KCNT2: variants seen among roughly 807,000 people sequenced by gnomAD.
KCNT2 encodes potassium sodium-activated channel subfamily T member 2.
Under a neutral mutation model 153.8 loss-of-function variants are expected in KCNT2, and 67 were observed. That is an observed-to-expected ratio of 0.44 (90% CI 0.36 to 0.53). KCNT2 has a LOEUF of 0.53. KCNT2 is among the 20% of genes least tolerant of loss of function. The pLI is 0.00. For synonymous variants in KCNT2, 500 were observed against 458.8 expected (o/e 1.09, Z -1.15); for missense variants, 975 against 1,354.8 (o/e 0.72, Z 4.40).
At chr1:196,507,582 A>T (rs550483157) in intron 1 of KCNT2, among the ~76,000 whole-genome samples, 60 of 152,180 alleles carry the variant, frequency 3.9e-4, no homozygotes, top group Admixed American at 2.6e-3. Context: ...CATTGCCTAG[A>T]ATTACTTAGC....
intron 1 of KCNT2, among the ~76,000 whole-genome samples, chr1:196,583,751 A>T (rs560194257): frequency 1.3e-5 from 2 of 152,210 alleles, no homozygotes; most frequent in South Asian, 4.1e-4. Flanking sequence ...CATGAAAAAG[A>T]TCATCAGAAA....
intron 26 of KCNT2, among the ~76,000 whole-genome samples, chr1:196,243,798 G>C (rs1026121523): frequency 2.6e-5 from 4 of 152,222 alleles, no homozygotes; most frequent in East Asian, 3.9e-4. Flanking sequence ...GGAAGTCCTG[G>C]AGCTGTGTTG....
chr1:196,280,779 T>C, intron 25 of KCNT2, 81 bp downstream of exon 25: 6 of 1,302,034 alleles, frequency 4.6e-6, no homozygotes, highest in Non-Finnish European at 6.5e-6. Flanking sequence ...TTGCATTTTT[T>C]ATAAATCAGT....
At chr1:196,565,594 T>C (rs1572847450) in intron 1 of KCNT2, among the ~76,000 whole-genome samples, 1 of 109,882 alleles carries the variant, frequency 9.1e-6, no homozygotes, top group South Asian at 2.4e-4. Context: ...TCATTATACA[T>C]ATATATATAT....
At chr1:196,591,650 A>G (rs1663378153) in intron 1 of KCNT2, among the ~76,000 whole-genome samples, 1 of 152,154 alleles carries the variant, frequency 6.6e-6, no homozygotes, top group Non-Finnish European at 1.5e-5. Flanking sequence ...CTTATATAAT[A>G]GTTAATTTGT....
chr1:196,479,363 T>C, intron 4 of KCNT2, 125 bp from the exon 5 acceptor site: 1 of 589,952 alleles, frequency 1.7e-6, no homozygotes, highest in South Asian at 2.2e-5. Context: ...ATAATAGGAC[T>C]TATTAGGCGG....
chr1:196,410,141 G>A (rs1572352566), intron 12 of KCNT2, among the ~76,000 whole-genome samples: 1 of 151,004 alleles, frequency 6.6e-6, no homozygotes, highest in African/African-American at 2.4e-5. Flanking sequence ...TTTTTAATCA[G>A]CTTATTTCCT....
chr1:196,517,865 A>G (rs1652810862), intron 1 of KCNT2, among the ~76,000 whole-genome samples: 1 of 152,230 alleles, frequency 6.6e-6, no homozygotes, highest in Non-Finnish European at 1.5e-5. Flanking sequence ...GTCCATGAAA[A>G]GTTTCCTACC....
chr1:196,355,983 C>G (rs1667143277), intron 14 of KCNT2, among the ~76,000 whole-genome samples: 1 of 151,744 alleles, frequency 6.6e-6, no homozygotes. Context: ...ATTGCTATAT[C>G]TGTACCTTTA....
intron 8 of KCNT2, among the ~76,000 whole-genome samples, chr1:196,441,915 A>G (rs1473358102): frequency 6.6e-6 from 1 of 151,838 alleles, no homozygotes; most frequent in African/African-American, 2.4e-5. Context: ...CCCACTGTGA[A>G]TTGTGAAGGA....
At chr1:196,477,846 T>A (rs1444437501) in intron 5 of KCNT2, among the ~76,000 whole-genome samples, 1 of 152,202 alleles carries the variant, frequency 6.6e-6, no homozygotes, top group Non-Finnish European at 1.5e-5. Context: ...GATTAACCCA[T>A]GCATGATAGA....
intron 14 of KCNT2, among the ~76,000 whole-genome samples, chr1:196,343,292 G>A (rs1665840800): frequency 1.3e-5 from 2 of 152,100 alleles, no homozygotes; most frequent in Admixed American, 6.6e-5. Context: ...TAACTCAGTG[G>A]CTTTAGAAAT....
intron 1 of KCNT2, among the ~76,000 whole-genome samples, chr1:196,517,097 C>T (rs1033568287): frequency 6.6e-6 from 1 of 152,178 alleles, no homozygotes; most frequent in Non-Finnish European, 1.5e-5. Context: ...TCTCCACACT[C>T]TGGGGAGTCC....
chr1:196,250,204 A>G (rs2335385), intron 26 of KCNT2, among the ~76,000 whole-genome samples: 65,181 of 151,964 alleles, frequency 0.43, 17,032 homozygotes, highest in East Asian at 0.7. Context: ...TATACTACGG[A>G]GCTAAAGTAA....
intron 13 of KCNT2, among the ~76,000 whole-genome samples, chr1:196,395,879 T>C (rs947714032): frequency 1.3e-5 from 2 of 151,698 alleles, no homozygotes; most frequent in African/African-American, 4.8e-5. Flanking sequence ...TTTCATATCT[T>C]GTGAATATTG....
chr1:196,562,818 G>A (rs1483993180), intron 1 of KCNT2, among the ~76,000 whole-genome samples: 1 of 151,354 alleles, frequency 6.6e-6, no homozygotes, highest in Admixed American at 6.6e-5. Flanking sequence ...GAAACCAAAC[G>A]AAATACCTGA....
intron 8 of KCNT2, among the ~76,000 whole-genome samples, chr1:196,450,821 T>C (rs1676096276): frequency 6.6e-6 from 1 of 151,910 alleles, no homozygotes; most frequent in Non-Finnish European, 1.5e-5. Context: ...GAGTACGTTC[T>C]TCAAATAAGT....
intron 21 of KCNT2, among the ~76,000 whole-genome samples, chr1:196,307,359 A>T (rs1239896563): frequency 6.6e-6 from 1 of 152,060 alleles, no homozygotes; most frequent in Non-Finnish European, 1.5e-5. Context: ...CCAATATTTA[A>T]AGTGGCTCTC....
At chr1:196,308,168 C>A (rs547822631) in intron 21 of KCNT2, among the ~76,000 whole-genome samples, 1 of 151,636 alleles carries the variant, frequency 6.6e-6, no homozygotes, top group African/African-American at 2.4e-5. Flanking sequence ...TCTTTTTTTT[C>A]TCTCCGATGG....
Sources: allele counts gnomAD v4.1 joint callset (sites outside exome capture counted in the v4.1 genomes callset), GRCh38; gene constraint gnomAD v4.1.1; transcripts MANE v1.5; gene names NCBI Gene and HGNC (gene_info 2026-07-23, HGNC 2026-07-21).